ST8SIA5: variants seen among roughly 807,000 people sequenced by gnomAD.
ST8SIA5 encodes ST8 alpha-N-acetyl-neuraminide alpha-2,8-sialyltransferase 5, also known as alpha-2,8-sialyltransferase 8E.
ST8SIA5 carries 24 observed loss-of-function variants against 40.2 expected under a neutral mutation model. The ratio of observed to expected loss-of-function variants is 0.60; its 90% CI spans 0.43 to 0.84. The LOEUF is 0.84. ST8SIA5 is among the 40% of genes least tolerant of loss of function. ST8SIA5 has a pLI of 0.00. For missense variants in ST8SIA5, 465 were observed against 498.5 expected, an observed-to-expected ratio of 0.93 and a Z score of 0.64; for synonymous variants, 198 against 201.8, an observed-to-expected ratio of 0.98 and a Z score of 0.16.
At chr18:46,745,809 A>T (rs1436418053) in intron 1 of ST8SIA5, among the ~76,000 whole-genome samples, 1 of 152,250 alleles carries the variant, frequency 6.6e-6, no homozygotes, top group African/African-American at 2.4e-5. Flanking sequence ...TCGATGCAAA[A>T]GTCCTCAATA....
rs995280721 is a variant in ST8SIA5 at position 46,756,713 on chromosome 18, A to G, written c.-205T>C. 1.8e-6 allele frequency: 1 copy of G among 563,502 alleles called. No homozygotes were observed. The highest frequency in any genetic ancestry group is 2.5e-5 in the South Asian group (1 of 40,546). 34.9% of individuals were successfully genotyped at this position (563,502 alleles called of 1,614,324 possible). On this transcript the variant is annotated 5_prime_UTR_variant, in exon 1 of 7. Coordinates refer to ENST00000315087, the MANE Select transcript of ST8SIA5 (RefSeq NM_013305.6). The stretch of plus-strand genomic sequence containing the variant: ...CGCAGGCGCTGGGGCGGCAAGCAGG[A>G]CAGGGCCGGTGGCAGGGAGCTCTGC...
chr18:46,696,158 G>T (rs2039555246), intron 2 of ST8SIA5, among the ~76,000 whole-genome samples: 1 of 152,172 alleles, frequency 6.6e-6, no homozygotes, highest in Admixed American at 6.5e-5. Context: ...AAAAGTGAGT[G>T]CAAAAGCCCC....
intron 4 of ST8SIA5, among the ~76,000 whole-genome samples, chr18:46,687,145 C>A (rs2039456487): frequency 6.6e-6 from 1 of 152,150 alleles, no homozygotes; most frequent in African/African-American, 2.4e-5. Flanking sequence ...AACTTGCAAG[C>A]CAGGAATGGA....
chr18:46,712,439 G>C (rs2039742479), intron 1 of ST8SIA5, among the ~76,000 whole-genome samples: 1 of 152,156 alleles, frequency 6.6e-6, no homozygotes, highest in Non-Finnish European at 1.5e-5. Flanking sequence ...TCCCCCCTGG[G>C]GGAGTCTCTC....
At chr18:46,690,788 G>A (rs2070607541) in intron 3 of ST8SIA5, among the ~76,000 whole-genome samples, 1 of 151,958 alleles carries the variant, frequency 6.6e-6, no homozygotes, top group Admixed American at 6.6e-5. Flanking sequence ...TAATTTCTTT[G>A]CATTTTTAGT....
At chr18:46,685,239 G>T (rs989392065) in intron 5 of ST8SIA5, among the ~76,000 whole-genome samples, 55 of 152,302 alleles carry the variant, frequency 3.6e-4, no homozygotes, top group African/African-American at 1.3e-3. Context: ...CTCCCCAAAA[G>T]ACCATCTTGA....
chr18:46,693,888 T>C (rs890613004), intron 2 of ST8SIA5, among the ~76,000 whole-genome samples: 1 of 152,216 alleles, frequency 6.6e-6, no homozygotes, highest in Non-Finnish European at 1.5e-5. Flanking sequence ...CTTTAGCATC[T>C]CCATTACCTA....
intron 2 of ST8SIA5, 42 bp from the exon 3 acceptor site, chr18:46,692,297 G>A (rs545543989): frequency 4.6e-5 from 72 of 1,581,142 alleles, no homozygotes; most frequent in Admixed American, 1.8e-4. Flanking sequence ...CAGGGTAGGC[G>A]GGACAGAGCG....
At chr18:46,688,076 G>A (rs932068514) in intron 4 of ST8SIA5, among the ~76,000 whole-genome samples, 4 of 152,164 alleles carry the variant, frequency 2.6e-5, no homozygotes, top group African/African-American at 7.2e-5. Context: ...CACTCACTGC[G>A]GTCCTCAATG....
At chr18:46,686,008 C>T in intron 5 of ST8SIA5, 166 bp downstream of exon 5, 1 of 658,680 alleles carries the variant, frequency 1.5e-6, no homozygotes, top group Non-Finnish European at 2.7e-6. Flanking sequence ...ACGACTTCCC[C>T]AAAGGGATGG....
chr18:46,732,629 G>A (rs1355357689), intron 1 of ST8SIA5, among the ~76,000 whole-genome samples: 1 of 152,148 alleles, frequency 6.6e-6, no homozygotes, highest in Non-Finnish European at 1.5e-5. Context: ...CCTTGAGTAG[G>A]CTCTATTCGT....
intron 2 of ST8SIA5, among the ~76,000 whole-genome samples, chr18:46,702,906 T>C (rs890192617): frequency 6.6e-6 from 1 of 152,184 alleles, no homozygotes; most frequent in African/African-American, 2.4e-5. Context: ...CATGGGTTAG[T>C]ACAGGGGCCA....
chr18:46,742,087 C>T (rs965127143), intron 1 of ST8SIA5, among the ~76,000 whole-genome samples: 7 of 150,722 alleles, frequency 4.6e-5, no homozygotes, highest in East Asian at 1.9e-4. Flanking sequence ...GGTGCCAGAG[C>T]GACGCTCCAT....
chr18:46,705,211 T>A (rs749708835), intron 1 of ST8SIA5, among the ~76,000 whole-genome samples: 2 of 152,168 alleles, frequency 1.3e-5, no homozygotes, highest in Non-Finnish European at 2.9e-5. Flanking sequence ...GGGCTCCAGG[T>A]CATACTGTCC....
chr18:46,744,657 A>G (rs1215974819), intron 1 of ST8SIA5, among the ~76,000 whole-genome samples: 2 of 152,158 alleles, frequency 1.3e-5, no homozygotes, highest in African/African-American at 4.8e-5. Context: ...ACAGATCAAC[A>G]AGACAGAAGT....
intron 2 of ST8SIA5, among the ~76,000 whole-genome samples, chr18:46,699,040 A>T (rs111690481): frequency 6.6e-6 from 1 of 152,222 alleles, no homozygotes; most frequent in Non-Finnish European, 1.5e-5. Flanking sequence ...CAAATTTTAG[A>T]GTTAATCTCT....
At chr18:46,751,440 A>C (rs898934917) in intron 1 of ST8SIA5, among the ~76,000 whole-genome samples, 1 of 152,152 alleles carries the variant, frequency 6.6e-6, no homozygotes, top group South Asian at 2.1e-4. Flanking sequence ...TCTGTCACCC[A>C]GGCTGGAGTG....
rs1004731462 is a variant in ST8SIA5 at position 46,676,540 on chromosome 18, G to T, written c.*3502C>A. 2 of 152,264 alleles carry T rather than the reference G, an allele frequency of 1.3e-5. No homozygotes were observed. The highest frequency in any genetic ancestry group is 4.8e-5 in the African/African-American group (2 of 41,452). 9.4% of individuals were successfully genotyped at this position (152,264 alleles called of 1,614,324 possible). On this transcript the variant is annotated 3_prime_UTR_variant, in exon 7 of 7. Coordinates refer to ENST00000315087, the MANE Select transcript of ST8SIA5 (RefSeq NM_013305.6). ...AAGTCAAGGGCGATGAGCACATGCTGTCTCTGGGCACCAGGTGATTAGTGG... is the reference window on the plus strand; with the variant it reads ...AAGTCAAGGGCGATGAGCACATGCTTTCTCTGGGCACCAGGTGATTAGTGG...
chr18:46,756,430 C>G lies in ST8SIA5; in HGVS notation c.79G>C (p.Ala27Pro), dbSNP rs766997104. The part of the protein sequence containing the change: ...TLLFIFICAF[A>P]LVTLLQQILY... ...ATCTGTTGCAGCAAGGTCACCAAGG[C>G]AAAGGCGCAGATGAAGATGAAGAGC... The change falls in exon 1 of 7, where the codon GCC becomes CCC. Residue 27 changes from alanine (A) to proline (P), a missense_variant. By Grantham distance (27) the Ala-to-Pro change is conservative (BLOSUM62 -1). Transcript: ENST00000315087. 6.2e-7 allele frequency: 1 copy of G among 1,613,316 alleles called. No homozygotes were observed. The highest frequency in any genetic ancestry group is 8.5e-7 in the Non-Finnish European group (1 of 1,179,390).
Sources: allele counts gnomAD v4.1 joint callset (sites outside exome capture counted in the v4.1 genomes callset), GRCh38; gene constraint gnomAD v4.1.1; transcripts MANE v1.5; gene names NCBI Gene and HGNC (gene_info 2026-07-23, HGNC 2026-07-21).